PIGU: variants seen among roughly 807,000 people sequenced by gnomAD.
The protein encoded by PIGU is GPI-anchor transamidase component PIGU.
Under a neutral mutation model 49.9 loss-of-function variants are expected in PIGU, and 24 were observed. The observed-to-expected ratio is 0.48, with a 90% CI of 0.35 to 0.68. The LOEUF (loss-of-function observed/expected upper bound fraction) is 0.68, where lower values mean the gene tolerates loss of function less well. Ranked by LOEUF, PIGU falls within the 30% of genes least tolerant of loss-of-function variation. The pLI is 0.01. For synonymous variants in PIGU, 220 were observed against 205.7 expected, an observed-to-expected ratio of 1.07 and a Z score of -0.59; for missense variants, 490 against 532.6, an observed-to-expected ratio of 0.92 and a Z score of 0.79.
intron 7 of PIGU, among the ~76,000 whole-genome samples, chr20:34,595,095 CAAAAAAAAA>C (rs71194627): frequency 5.6e-5 from 4 of 71,334 alleles, no homozygotes; most frequent in African/African-American, 2.3e-4. Context: ...GACTCCGTCT[CAAAAAAAAA>C]AAAAAAAAAA....
intron 8 of PIGU, among the ~76,000 whole-genome samples, chr20:34,587,912 T>A (rs867923266): frequency 6.6e-6 from 1 of 152,222 alleles, no homozygotes; most frequent in African/African-American, 2.4e-5. Context: ...GACATTTAGA[T>A]TGATTCCATA....
At chr20:34,625,374 A>ATAAAAAAAC (rs1177894590) in intron 6 of PIGU, among the ~76,000 whole-genome samples, 2 of 151,754 alleles carry the variant, frequency 1.3e-5, no homozygotes, top group Admixed American at 1.3e-4. Context: ...ATCTCAAAAA[A>ATAAAAAAAC]AAAAAAAACA....
At position 34,631,761 on chromosome 20, in the gene PIGU, ATATATATATATATATATATATATATTTTT is replaced by A. The variant is rs1985759547; in HGVS notation, c.529+2825_529+2853del. Among the ~76,000 whole-genome samples, 6 of 5,036 alleles carry A rather than the reference ATATATATATATATATATATATATATTTTT, an allele frequency of 1.2e-3. 1 individual carries two copies. Among genetic ancestry groups the A allele is most frequent in the African/African-American group, 5.3e-3 (6 of 1,132 alleles). 3.3% of individuals were successfully genotyped at this position (5,036 alleles called of 152,430 possible). A position where few individuals can be genotyped will look rare whatever the true frequency, so the allele number is the denominator to read the frequency against. ...TATATATATATATATATATATATATATATATATATATATATATATATATATTTTTTTTTTTTTTTTTTTTTTTTTTTTTT... is the reference window on the plus strand; with the variant it reads ...TATATATATATATATATATATATATATTTTTTTTTTTTTTTTTTTTTTTTT... On this transcript the variant is annotated intron_variant, in intron 6 of 11. Transcript: ENST00000217446.
chr20:34,646,124 T>A (rs1382123248), intron 2 of PIGU, among the ~76,000 whole-genome samples: 1 of 152,176 alleles, frequency 6.6e-6, no homozygotes, highest in African/African-American at 2.4e-5. Flanking sequence ...TTAATGTTAT[T>A]TCTTCCTCAA....
At chr20:34,668,447 GC>G (rs1370513452) in intron 1 of PIGU, among the ~76,000 whole-genome samples, 1 of 121,590 alleles carries the variant, frequency 8.2e-6, no homozygotes, top group Non-Finnish European at 1.6e-5. Context: ...GGGTGACAGA[GC>G]GAGACTCCGT....
chr20:34,668,867 C>CT lies in PIGU; in HGVS notation c.130+8088dup, dbSNP rs374136983. ...AAAAATTAGTGAAAAAATGGTAAAA[C>CT]TTTTTTTTTTTTTTTTTTTTTTTTT... On this transcript the variant is annotated intron_variant, in intron 1 of 11. Coordinates refer to ENST00000217446, the MANE Select transcript of PIGU (RefSeq NM_080476.5). Among the ~76,000 whole-genome samples the CT allele has an allele frequency of 8.1e-3, 362 of 44,700 alleles. 15 individuals are homozygous for CT. The highest frequency in any genetic ancestry group is 0.013 in the African/African-American group (155 of 11,872). The allele number at this position is 44,700 out of a possible 152,430, so 29.3% of individuals were successfully genotyped here. A position where few individuals can be genotyped will look rare whatever the true frequency, so the allele number is the denominator to read the frequency against.
At position 34,655,517 on chromosome 20, in the gene PIGU, A is replaced by C. The variant is rs577392428; in HGVS notation, c.195+1663T>G. 4.2e-4 allele frequency among the ~76,000 whole-genome samples: 50 copies of C among 118,726 alleles called. 14 individuals carry two copies. The highest frequency in any genetic ancestry group is 9.0e-4 in the African/African-American group (29 of 32,254). 77.9% of individuals were successfully genotyped at this position (118,726 alleles called of 152,430 possible). Reference sequence around the variant, plus strand: ...AAACCCCGTCTCTACTAAAAACACAAAAAAAAATTAGCCAGGCATAGTCAC... The same window carrying C: ...AAACCCCGTCTCTACTAAAAACACACAAAAAAATTAGCCAGGCATAGTCAC... On this transcript the variant is annotated intron_variant, in intron 2 of 11. Transcript: ENST00000217446.
Position 34,634,724 on chromosome 20 carries a change from G to A in PIGU, c.429-9C>T, listed in dbSNP as rs115569429. ...AAGGATTTAAGAGATAGCTGGGGAA[G>A]AACAAACATATTTGGCATTAGTAAT... On this transcript the variant is annotated splice_polypyrimidine_tract_variant and intron_variant, in intron 5 of 11. Coordinates refer to ENST00000217446, the MANE Select transcript of PIGU (RefSeq NM_080476.5). The A allele has an allele frequency of 6.6e-4, 1,061 of 1,610,188 alleles. 6 individuals carry two copies. The African/African-American group carries it at 0.011, about 17-fold the overall frequency.
chr20:34,601,322 C>T (rs1232502870), intron 7 of PIGU, among the ~76,000 whole-genome samples: 2 of 152,016 alleles, frequency 1.3e-5, no homozygotes, highest in African/African-American at 2.4e-5. Context: ...GGCCCTAAAA[C>T]GATAAAGTAA....
chr20:34,600,271 G>A (rs1490522862), intron 7 of PIGU, among the ~76,000 whole-genome samples: 1 of 152,086 alleles, frequency 6.6e-6, no homozygotes, highest in Non-Finnish European at 1.5e-5. Context: ...GCTGGACTTG[G>A]TGGTGGGCAT....
chr20:34,614,607 A>G (rs1018150533), intron 7 of PIGU, among the ~76,000 whole-genome samples: 1 of 149,094 alleles, frequency 6.7e-6, no homozygotes. Flanking sequence ...CCTGGGTGAC[A>G]GAGCAAGGAC....
intron 7 of PIGU, among the ~76,000 whole-genome samples, chr20:34,611,648 G>GAAAAAA (rs146531122): frequency 3.1e-5 from 2 of 65,010 alleles, no homozygotes; most frequent in African/African-American, 5.6e-5. Context: ...TCAAGTCTCA[G>GAAAAAA]AAAAAAAAAA....
chr20:34,598,690 A>G (rs1426238424), intron 7 of PIGU, among the ~76,000 whole-genome samples: 1 of 152,202 alleles, frequency 6.6e-6, no homozygotes, highest in Non-Finnish European at 1.5e-5. Flanking sequence ...AGAACTGACA[A>G]TATCCCAGAG....
At chr20:34,594,032 C>G (rs145443161) in intron 7 of PIGU, among the ~76,000 whole-genome samples, 142 of 152,128 alleles carry the variant, frequency 9.3e-4, no homozygotes, top group Non-Finnish European at 7.8e-4. Flanking sequence ...CAAAAATTAG[C>G]CCTATGTGGT....
intron 2 of PIGU, among the ~76,000 whole-genome samples, chr20:34,649,096 T>G (rs886320640): frequency 2.0e-5 from 3 of 152,132 alleles, no homozygotes; most frequent in Non-Finnish European, 4.4e-5. Context: ...CTCAAACTCC[T>G]GACCTCGTGA....
chr20:34,674,212 G>A (rs1987413230), intron 1 of PIGU, among the ~76,000 whole-genome samples: 1 of 150,898 alleles, frequency 6.6e-6, no homozygotes, highest in Non-Finnish European at 1.5e-5. Flanking sequence ...AAAATTAGCT[G>A]GGCATGGTGG....
intron 7 of PIGU, among the ~76,000 whole-genome samples, chr20:34,611,073 T>G (rs891808731): frequency 3.9e-5 from 6 of 152,174 alleles, no homozygotes; most frequent in Non-Finnish European, 7.3e-5. Context: ...GATTAAAGAC[T>G]TATACGTAAA....
intron 1 of PIGU, among the ~76,000 whole-genome samples, chr20:34,663,001 G>C (rs1986974490): frequency 6.6e-6 from 1 of 152,094 alleles, no homozygotes; most frequent in Non-Finnish European, 1.5e-5. Context: ...TCAACCTCCT[G>C]GGCACAAGCG....
chr20:34,603,761 T>A (rs1172148669), intron 7 of PIGU, among the ~76,000 whole-genome samples: 2 of 152,042 alleles, frequency 1.3e-5, no homozygotes, highest in African/African-American at 4.8e-5. Flanking sequence ...AAACCCCAGT[T>A]TCTCTAAATG....
Sources: allele counts gnomAD v4.1 joint callset (sites outside exome capture counted in the v4.1 genomes callset), GRCh38; gene constraint gnomAD v4.1.1; transcripts MANE v1.5; gene names NCBI Gene and HGNC (gene_info 2026-07-23, HGNC 2026-07-21).